TFEC: variants seen among roughly 807,000 people sequenced by gnomAD.
TFEC encodes class E basic helix-loop-helix protein 34.
A neutral mutation model predicts 41.6 loss-of-function variants in TFEC; 31 were observed. That is an observed-to-expected ratio of 0.74 (90% confidence interval 0.56 to 1.01). The LOEUF (loss-of-function observed/expected upper bound fraction) is 1.01, where lower values mean the gene tolerates loss of function less well. Ranked by LOEUF, TFEC falls within the 50% of genes least tolerant of loss-of-function variation. TFEC has a pLI of 0.00. For missense variants in TFEC, 402 were observed against 404.1 expected (o/e 0.99, Z 0.04); for synonymous variants, 143 against 140.6 (o/e 1.02, Z -0.12).
Position 115,942,038 on chromosome 7 carries a change from T to TA in TFEC, c.517_518insT (p.Asp173ValfsTer41). 1 of 1,611,828 alleles carries TA rather than the reference T, an allele frequency of 6.2e-7. No homozygotes were observed. On this transcript the variant is annotated frameshift_variant and splice_region_variant, in exon 7 of 8. Coordinates refer to ENST00000265440, the MANE Select transcript of TFEC (RefSeq NM_012252.4). LOFTEE classifies it high-confidence loss of function. The stretch of plus-strand genomic sequence containing the variant: ...AATGGTTCCTTTGTTCCAGCGCATA[T>TA]CACTGTAGAATGGAGAGATAACCTT...
intron 1 of TFEC, among the ~76,000 whole-genome samples, chr7:116,132,108 C>G (rs1315839681): frequency 6.6e-6 from 1 of 152,124 alleles, no homozygotes; most frequent in Admixed American, 6.6e-5. Context: ...TCCCCTAGAT[C>G]AGCAAAACAT....
chr7:116,029,741 TATCTTA>T (rs1795723542), intron 1 of TFEC, among the ~76,000 whole-genome samples: 1 of 152,044 alleles, frequency 6.6e-6, no homozygotes, highest in East Asian at 1.9e-4. Flanking sequence ...TCTTCATATG[TATCTTA>T]ATCTTAAAGT....
At chr7:116,034,455 C>T (rs1350528222), upstream of TFEC, among the ~76,000 whole-genome samples, 1 of 152,014 alleles carries the variant, frequency 6.6e-6, no homozygotes, top group Non-Finnish European at 1.5e-5. Flanking sequence ...TTAACACCAT[C>T]TTCATCCCTC....
intron 3 of TFEC, among the ~76,000 whole-genome samples, chr7:115,970,029 T>C (rs1793061917): frequency 6.6e-6 from 1 of 151,960 alleles, no homozygotes; most frequent in Non-Finnish European, 1.5e-5. Flanking sequence ...AAGTAAGCAG[T>C]AGAATATATA....
At chr7:116,155,954 C>T (rs924185251) in intron 1 of TFEC, among the ~76,000 whole-genome samples, 17 of 152,052 alleles carry the variant, frequency 1.1e-4, no homozygotes, top group African/African-American at 1.7e-4. Flanking sequence ...GAGTTTGGGG[C>T]GTAAATTTTG....
At chr7:116,158,269 C>T (rs1293017534) in intron 1 of TFEC, among the ~76,000 whole-genome samples, 2 of 151,962 alleles carry the variant, frequency 1.3e-5, no homozygotes, top group Admixed American at 6.6e-5. Context: ...CCTATAGAGT[C>T]TTTTTTAATG....
chr7:115,989,860 C>A (rs1794028679), intron 1 of TFEC, among the ~76,000 whole-genome samples: 1 of 152,200 alleles, frequency 6.6e-6, no homozygotes, highest in African/African-American at 2.4e-5. Context: ...CACTGTCTGA[C>A]AGCTTTGAAG....
chr7:116,009,678 C>A (rs190175715), intron 1 of TFEC, among the ~76,000 whole-genome samples: 2 of 151,940 alleles, frequency 1.3e-5, no homozygotes, highest in East Asian at 1.9e-4. Context: ...AAAATAGGAA[C>A]AAGTCATTCA....
chr7:115,935,608 A>G lies in TFEC; in HGVS notation c.*4943T>C, dbSNP rs1169536841. On this transcript the variant is annotated 3_prime_UTR_variant, in exon 8 of 8. Transcript: ENST00000265440. ...TTGATTATATATAATTCTTTCAGCA[A>G]AATCAGTCTCTTCTTTTATTTGTAT... The G allele has an allele frequency of 2.6e-5, 4 of 151,702 alleles. No homozygotes were observed. The highest frequency in any genetic ancestry group is 5.9e-5 in the Non-Finnish European group (4 of 67,656). 9.4% of individuals were successfully genotyped at this position (151,702 alleles called of 1,614,324 possible).
intron 3 of TFEC, among the ~76,000 whole-genome samples, chr7:116,049,047 T>C (rs1479240634): frequency 6.6e-6 from 1 of 152,146 alleles, no homozygotes; most frequent in Non-Finnish European, 1.5e-5. Flanking sequence ...GTAAAGACCA[T>C]CATGCTAGGA....
At chr7:115,953,402 T>G (rs1792052506) in intron 5 of TFEC, among the ~76,000 whole-genome samples, 1 of 152,098 alleles carries the variant, frequency 6.6e-6, no homozygotes, top group Non-Finnish European at 1.5e-5. Flanking sequence ...AACTTATAAT[T>G]TTTTAAGTGT....
At chr7:116,114,750 C>T (rs1233989321) in intron 1 of TFEC, among the ~76,000 whole-genome samples, 4 of 151,784 alleles carry the variant, frequency 2.6e-5, no homozygotes, top group Admixed American at 6.6e-5. Flanking sequence ...AATGCAAGAG[C>T]GGTAAAAAAT....
intron 2 of TFEC, among the ~76,000 whole-genome samples, chr7:115,981,765 C>G (rs960203730): frequency 1.3e-5 from 2 of 152,088 alleles, no homozygotes; most frequent in African/African-American, 2.4e-5. Flanking sequence ...AGACAAGAAA[C>G]CTGAAATGAA....
rs371948904 is a variant in TFEC at position 115,959,931 on chromosome 7, G to T, written c.268-3138C>A. Among the ~76,000 whole-genome samples the T allele has an allele frequency of 7.9e-5, 12 of 151,446 alleles. 1 individual carries two copies. The highest frequency in any genetic ancestry group is 2.7e-4 in the African/African-American group (11 of 41,464). On this transcript the variant is annotated intron_variant, in intron 3 of 7. Transcript: ENST00000265440. The stretch of plus-strand genomic sequence containing the variant: ...GAGAGAAAAATAATATTGGAAGAAA[G>T]AATTTTTTAAAGTAACGGAGACACA...
intron 4 of TFEC, among the ~76,000 whole-genome samples, chr7:115,955,021 A>G (rs1792149472): frequency 6.6e-6 from 1 of 152,046 alleles, no homozygotes; most frequent in African/African-American, 2.4e-5. Context: ...TTCAATTATT[A>G]TTTTCAGAAT....
At chr7:116,109,010 G>T (rs1797785177) in intron 3 of TFEC, among the ~76,000 whole-genome samples, 1 of 152,030 alleles carries the variant, frequency 6.6e-6, no homozygotes, top group African/African-American at 2.4e-5. Flanking sequence ...TGGGAAAACT[G>T]GCTAGCCATA....
chr7:115,975,298 T>C (rs1793330762), intron 2 of TFEC, among the ~76,000 whole-genome samples: 1 of 152,134 alleles, frequency 6.6e-6, no homozygotes, highest in Non-Finnish European at 1.5e-5. Flanking sequence ...TTTTTAAATG[T>C]GATATAAACT....
intron 3 of TFEC, among the ~76,000 whole-genome samples, chr7:116,102,251 T>C (rs1233144849): frequency 6.6e-6 from 1 of 152,154 alleles, no homozygotes; most frequent in Non-Finnish European, 1.5e-5. Flanking sequence ...AATAGGTCAG[T>C]GGGAGGGTTA....
At chr7:116,157,935 T>C (rs1337282212) in intron 1 of TFEC, among the ~76,000 whole-genome samples, 2 of 152,152 alleles carry the variant, frequency 1.3e-5, no homozygotes, top group Non-Finnish European at 2.9e-5. Flanking sequence ...ATGTGGCACA[T>C]ATCAGACACC....
Sources: allele counts gnomAD v4.1 joint callset (sites outside exome capture counted in the v4.1 genomes callset), GRCh38; gene constraint gnomAD v4.1.1; transcripts MANE v1.5; gene names NCBI Gene and HGNC (gene_info 2026-07-23, HGNC 2026-07-21).